KATNA1: variants seen among roughly 807,000 people sequenced by gnomAD.
KATNA1 encodes the protein katanin p60 ATPase-containing subunit A1.
Under a neutral mutation model 62.6 loss-of-function variants are expected in KATNA1, and 42 were observed. That is an observed-to-expected ratio of 0.67 (90% CI 0.52 to 0.87). KATNA1 has a LOEUF of 0.87. KATNA1 is among the 40% of genes least tolerant of loss of function. The pLI, the probability that KATNA1 is intolerant of heterozygous loss-of-function variation, is 0.00. For synonymous variants in KATNA1, 186 were observed against 201.9 expected, an observed-to-expected ratio of 0.92 and a Z score of 0.67; for missense variants, 498 against 612.5, an observed-to-expected ratio of 0.81 and a Z score of 1.97.
chr6:149,603,164 A>G, intron 6 of KATNA1, 104 bp downstream of exon 6: 1 of 563,618 alleles, frequency 1.8e-6, no homozygotes, highest in Non-Finnish European at 3.2e-6. Flanking sequence ...ACATTTCCTG[A>G]CTCCACTTTC....
chr6:149,629,226 G>A (rs1235808050), intron 3 of KATNA1, among the ~76,000 whole-genome samples: 2 of 152,132 alleles, frequency 1.3e-5, no homozygotes, highest in Non-Finnish European at 2.9e-5. Flanking sequence ...TTACAGGACT[G>A]TTAGAGGCTG....
intron 7 of KATNA1, among the ~76,000 whole-genome samples, chr6:149,600,715 C>G (rs961693130): frequency 1.3e-5 from 2 of 148,564 alleles, no homozygotes; most frequent in Admixed American, 6.8e-5. Context: ...GCAAGAGGAT[C>G]ACTTGAACCC....
intron 6 of KATNA1, among the ~76,000 whole-genome samples, chr6:149,602,367 C>T (rs1243623473): frequency 6.6e-6 from 1 of 151,984 alleles, no homozygotes; most frequent in African/African-American, 2.4e-5. Flanking sequence ...CATCTCAAAA[C>T]AAAACAAACA....
intron 2 of KATNA1, among the ~76,000 whole-genome samples, chr6:149,634,465 C>T (rs1246305148): frequency 2.0e-5 from 3 of 151,862 alleles, no homozygotes; most frequent in Non-Finnish European, 4.4e-5. Context: ...GGAAAAAAAA[C>T]CATCAAAGCA....
At chr6:149,612,234 G>A (rs1008169524) in intron 4 of KATNA1, among the ~76,000 whole-genome samples, 3 of 151,970 alleles carry the variant, frequency 2.0e-5, no homozygotes, top group East Asian at 3.9e-4. Context: ...AAGGCCCGGC[G>A]TGGTGGCTCA....
At chr6:149,610,667 A>G (rs1294872190) in intron 4 of KATNA1, among the ~76,000 whole-genome samples, 1 of 152,234 alleles carries the variant, frequency 6.6e-6, no homozygotes, top group Non-Finnish European at 1.5e-5. Context: ...AAAAATAAAG[A>G]TACAACTTAT....
chr6:149,633,579 A>T (rs1779939240), intron 2 of KATNA1, among the ~76,000 whole-genome samples: 1 of 127,164 alleles, frequency 7.9e-6, no homozygotes, highest in African/African-American at 2.6e-5. Context: ...TAAAAATACA[A>T]AAAGTTAGCC....
intron 4 of KATNA1, among the ~76,000 whole-genome samples, chr6:149,607,196 G>C (rs1240317791): frequency 6.6e-6 from 1 of 152,204 alleles, no homozygotes; most frequent in Non-Finnish European, 1.5e-5. Context: ...GTAGGCAGAA[G>C]AAAGAAACAG....
chr6:149,645,425 A>G (rs1305072313), intron 1 of KATNA1, among the ~76,000 whole-genome samples: 2 of 151,204 alleles, frequency 1.3e-5, no homozygotes, highest in South Asian at 4.2e-4. Context: ...CCTGGGCGAC[A>G]GAGCAAGACT....
intron 1 of KATNA1, among the ~76,000 whole-genome samples, chr6:149,642,476 G>A (rs1780331867): frequency 6.6e-6 from 1 of 152,076 alleles, no homozygotes; most frequent in South Asian, 2.1e-4. Flanking sequence ...GATCCACAAA[G>A]GAACTTGGTT....
intron 4 of KATNA1, among the ~76,000 whole-genome samples, chr6:149,605,787 G>C (rs1416422516): frequency 6.6e-6 from 1 of 151,212 alleles, no homozygotes; most frequent in East Asian, 1.9e-4. Flanking sequence ...ATTTATTTTT[G>C]AGCTAGAGTC....
chr6:149,618,087 G>A lies in KATNA1; in HGVS notation c.501+5016C>T, dbSNP rs556968454. ...GGAGGATCGCTTGAACCTGGGAGGCGGAGGTTGCAGTGAGCTGAGATCGCA... is the reference window on the plus strand; with the variant it reads ...GGAGGATCGCTTGAACCTGGGAGGCAGAGGTTGCAGTGAGCTGAGATCGCA... On this transcript the variant is annotated intron_variant, in intron 4 of 10. Transcript: ENST00000367411. Among the ~76,000 whole-genome samples, 13 of 149,232 alleles carry A rather than the reference G, an allele frequency of 8.7e-5. No individual in the cohort carries two copies. The East Asian group carries it at 1.8e-3, about 20-fold the overall frequency.
At chr6:149,604,963 A>G (rs1328050140) in intron 4 of KATNA1, among the ~76,000 whole-genome samples, 181 bp from the exon 5 acceptor site, 3 of 152,172 alleles carry the variant, frequency 2.0e-5, no homozygotes, top group Non-Finnish European at 4.4e-5. Context: ...TCACGAGGTC[A>G]GGAAATCGAG....
At chr6:149,641,499 A>C (rs1303507542) in intron 1 of KATNA1, among the ~76,000 whole-genome samples, 1 of 152,000 alleles carries the variant, frequency 6.6e-6, no homozygotes, top group Non-Finnish European at 1.5e-5. Context: ...TTTTTTAACC[A>C]AACTTCTAAA....
intron 3 of KATNA1, among the ~76,000 whole-genome samples, chr6:149,630,156 A>G (rs1315860124): frequency 6.6e-6 from 1 of 152,164 alleles, no homozygotes; most frequent in African/African-American, 2.4e-5. Flanking sequence ...TACTTCAATG[A>G]ATTTTTCTAT....
At position 149,601,709 on chromosome 6, in the gene KATNA1, A is replaced by C. The variant is rs778013011; in HGVS notation, c.773T>G (p.Leu258Arg). ...GCATTCTGTAGCTACTGCTTTAGCA[A>C]GGAGCGTCTTCCCCGTGCCAGGTGG... Reference protein sequence around the residue: ...VGPPGTGKTLLAKAVATECKT... With the variant: ...VGPPGTGKTLRAKAVATECKT... Residue 258 changes from leucine (L) to arginine (R), a missense_variant, in exon 7 of 11, where the codon CTT becomes CGT. Physicochemically the swap from Leu to Arg is moderately radical, Grantham distance 102. This residue lies in a region of KATNA1 where 267 missense variants were observed against 372.6 expected (regional missense o/e 0.72). Coordinates refer to ENST00000367411, the MANE Select transcript of KATNA1 (RefSeq NM_007044.4). 3 of 1,611,948 alleles carry C rather than the reference A, an allele frequency of 1.9e-6. No homozygotes were observed. In the Admixed American group the frequency reaches 5.1e-5, roughly 27 times the overall value.
intron 4 of KATNA1, among the ~76,000 whole-genome samples, chr6:149,618,818 T>C (rs1176198172): frequency 3.9e-5 from 6 of 152,058 alleles, no homozygotes; most frequent in Non-Finnish European, 7.4e-5. Context: ...TCACCATATA[T>C]AAAACCAACT....
chr6:149,605,717 C>T (rs1459886435), intron 4 of KATNA1, among the ~76,000 whole-genome samples: 2 of 152,116 alleles, frequency 1.3e-5, no homozygotes, highest in Non-Finnish European at 2.9e-5. Flanking sequence ...AGGTAGTTCA[C>T]GATTCCTACA....
chr6:149,597,501 A>G lies in KATNA1; in HGVS notation c.1150+6T>C. ...AGGCTTTCTGACAAGATTGAAAGGAAGATACCTGACGGCAAAGGAATATAG... is the reference window on the plus strand; with the variant it reads ...AGGCTTTCTGACAAGATTGAAAGGAGGATACCTGACGGCAAAGGAATATAG... On this transcript the variant is annotated splice_donor_region_variant and intron_variant, in intron 9 of 10. Coordinates refer to ENST00000367411, the MANE Select transcript of KATNA1 (RefSeq NM_007044.4). 1 of 1,613,502 alleles carries G rather than the reference A, an allele frequency of 6.2e-7. No homozygotes were observed. The highest frequency in any genetic ancestry group is 1.3e-5 in the African/African-American group (1 of 75,030).
Sources: gnomAD v4.1 joint callset for allele counts (sites outside exome capture counted in the v4.1 genomes callset) on GRCh38, gnomAD v4.1.1 for gene constraint, gnomAD v4.1.1 regional missense constraint, MANE v1.5 for transcripts, NCBI Gene and HGNC (gene_info 2026-07-23, HGNC 2026-07-21) for gene names.